Variants in PSD3 observed in about 807,000 individuals in gnomAD.
PSD3 encodes PH and SEC7 domain-containing protein 3.
Under a neutral mutation model 105.5 loss-of-function variants are expected in PSD3, and 49 were observed. The observed-to-expected ratio is 0.46, with a 90% confidence interval of 0.37 to 0.59. The LOEUF is 0.59. Among genes scored for constraint, PSD3 ranks in the 20% least tolerant of loss-of-function variants. The pLI is 0.00. For missense variants in PSD3, 1,561 were observed against 1,263.8 expected (o/e 1.24, Z -3.57); for synonymous variants, 557 against 457.8 (o/e 1.22, Z -2.77).
At chr8:18,856,272 G>C (rs1280731504) in intron 4 of PSD3, among the ~76,000 whole-genome samples, 1 of 152,244 alleles carries the variant, frequency 6.6e-6, no homozygotes, top group East Asian at 1.9e-4. Flanking sequence ...CTGCACTAGA[G>C]TTATTTCTGA....
At chr8:18,951,367 A>C (rs973905130) in intron 1 of PSD3, among the ~76,000 whole-genome samples, 2 of 152,162 alleles carry the variant, frequency 1.3e-5, no homozygotes, top group African/African-American at 4.8e-5. Context: ...ACACCACCGC[A>C]CTTCAGCCTG....
intron 8 of PSD3, among the ~76,000 whole-genome samples, chr8:18,788,980 C>T (rs1285877992): frequency 6.6e-6 from 1 of 152,156 alleles, no homozygotes; most frequent in African/African-American, 2.4e-5. Flanking sequence ...AGTGGATATT[C>T]AATGTGCTCT....
At chr8:19,009,612 G>A (rs373376810) in intron 1 of PSD3, among the ~76,000 whole-genome samples, 9 of 152,188 alleles carry the variant, frequency 5.9e-5, no homozygotes, top group Middle Eastern at 3.2e-3. Flanking sequence ...GGACTTGGCC[G>A]GGCCTGGTGG....
intron 8 of PSD3, chr8:18,775,028 C>T: frequency 4.4e-6 from 2 of 453,602 alleles, no homozygotes; most frequent in South Asian, 3.1e-5. Context: ...CCTCCTCCTA[C>T]CTTCTGGTAA....
chr8:18,983,029 G>A (rs1210042749), intron 1 of PSD3, among the ~76,000 whole-genome samples: 2 of 152,206 alleles, frequency 1.3e-5, no homozygotes, highest in Non-Finnish European at 2.9e-5. Flanking sequence ...TTGAAACTGT[G>A]ATGTTTAGCA....
chr8:19,062,021 C>T (rs73668924), intron 1 of PSD3, among the ~76,000 whole-genome samples: 3,178 of 152,228 alleles, frequency 0.021, 117 homozygotes, highest in African/African-American at 0.071. Flanking sequence ...GTCCTCCAAG[C>T]GCCTTCCCAA....
chr8:18,983,644 T>G (rs578045477), intron 1 of PSD3, among the ~76,000 whole-genome samples: 19 of 152,180 alleles, frequency 1.2e-4, no homozygotes, highest in African/African-American at 4.6e-4. Context: ...ACGACAATTT[T>G]TAAGTTCTCC....
In PSD3 at chr8:18,666,229, T is replaced by A. The variant is rs1449338821; in HGVS notation, c.2173-10544A>T. Among the ~76,000 whole-genome samples the A allele has an allele frequency of 2.0e-5, 3 of 152,344 alleles. No homozygotes were observed. The East Asian group carries it at 5.8e-4, about 29-fold the overall frequency. ...CTGTGTCCTGTTTATTTTTGTATTT[T>A]TAGTAGAGACAGGGTTTCGCCATGT... On this transcript the variant is annotated intron_variant, in intron 9 of 15. Coordinates refer to ENST00000327040, the MANE Select transcript of PSD3 (RefSeq NM_015310.4).
At chr8:18,608,761 G>A (rs1022820319) in intron 11 of PSD3, among the ~76,000 whole-genome samples, 2 of 152,074 alleles carry the variant, frequency 1.3e-5, no homozygotes, top group Admixed American at 1.3e-4. Flanking sequence ...ATGGATTTAT[G>A]CCAGAAAAGT....
chr8:18,582,892 C>A (rs1802912264), intron 12 of PSD3, among the ~76,000 whole-genome samples: 1 of 145,198 alleles, frequency 6.9e-6, no homozygotes, highest in African/African-American at 2.7e-5. Context: ...GTGGCAAGAT[C>A]TCGGCTCACT....
chr8:18,872,124 G>C lies in PSD3; in HGVS notation c.740C>G (p.Ser247Cys), dbSNP rs746212174. 72 of 1,614,000 alleles carry C rather than the reference G, an allele frequency of 4.5e-5. No homozygotes were observed. The highest frequency in any genetic ancestry group is 5.8e-5 in the Non-Finnish European group (69 of 1,179,998). The change falls in exon 3 of 16, where the codon TCT becomes TGT. Residue 247 changes from serine to cysteine, a missense_variant. Ser to Cys is a moderately radical substitution (Grantham distance 112). Coordinates refer to ENST00000327040, the MANE Select transcript of PSD3 (RefSeq NM_015310.4). Reference protein sequence around the residue: ...RKGAVCVQEPSCPLASLGSSA... With the variant: ...RKGAVCVQEPCCPLASLGSSA... ...GCTCCCGAGGGAGGCCAAAGGACAA[G>C]ATGGCTCCTGCACACAGACAGCCCC...
At chr8:18,578,501 T>A (rs1011065013) in intron 12 of PSD3, among the ~76,000 whole-genome samples, 2 of 152,140 alleles carry the variant, frequency 1.3e-5, no homozygotes, top group Non-Finnish European at 1.5e-5. Flanking sequence ...TTCTTCTTCA[T>A]GCCCTTCTAT....
chr8:18,914,546 C>T (rs1015435965), intron 2 of PSD3, among the ~76,000 whole-genome samples: 41 of 152,058 alleles, frequency 2.7e-4, no homozygotes, highest in Non-Finnish European at 2.5e-4. Context: ...ATACAAAAAC[C>T]AGTAGCAATT....
At chr8:18,642,475 T>A (rs1345457093) in intron 10 of PSD3, among the ~76,000 whole-genome samples, 1 of 152,148 alleles carries the variant, frequency 6.6e-6, no homozygotes, top group African/African-American at 2.4e-5. Flanking sequence ...TCATTCCTCA[T>A]CAAACATCAA....
At chr8:19,067,159 A>G (rs1829100831) in intron 1 of PSD3, among the ~76,000 whole-genome samples, 1 of 152,220 alleles carries the variant, frequency 6.6e-6, no homozygotes, top group African/African-American at 2.4e-5. Flanking sequence ...CTGTAAACTG[A>G]GAGAAATCAG....
At position 18,702,622 on chromosome 8, in the gene PSD3, TC is replaced by T. The variant is rs780613670; in HGVS notation, c.2173-46938del. 6.9e-4 allele frequency among the ~76,000 whole-genome samples: 104 copies of T among 150,724 alleles called. 1 individual carries two copies. The highest frequency in any genetic ancestry group is 5.7e-3 in the South Asian group (27 of 4,772). On this transcript the variant is annotated intron_variant, in intron 9 of 15. Transcript: ENST00000327040. ...TATAGGTACTCTTTCTTTCTTTCTT[TC>T]TTTTTTTGAGATGGAATCTCGCTCT...
At chr8:18,798,515 G>A (rs1810387801) in intron 8 of PSD3, among the ~76,000 whole-genome samples, 1 of 152,038 alleles carries the variant, frequency 6.6e-6, no homozygotes, top group Non-Finnish European at 1.5e-5. Flanking sequence ...TATGTGACTA[G>A]CAGAATATCT....
Position 18,914,042 on chromosome 8 carries a change from C to T in PSD3, c.130+21992G>A, listed in dbSNP as rs371166175. ...GGCTCCAGACTTGAACCTGAAAATC[C>T]AGGCTCTAAGCAAACCCCAGGGGAG... On this transcript the variant is annotated intron_variant, in intron 2 of 15. Coordinates refer to ENST00000327040, the MANE Select transcript of PSD3 (RefSeq NM_015310.4). Among the ~76,000 whole-genome samples, 6 of 152,242 alleles carry T rather than the reference C, an allele frequency of 3.9e-5. No individual in the cohort carries two copies. In the East Asian group the frequency reaches 5.8e-4, roughly 15 times the overall value.
At chr8:18,803,062 G>A (rs1179529255) in intron 6 of PSD3, 3 of 158,440 alleles carry the variant, frequency 1.9e-5, no homozygotes, top group Non-Finnish European at 4.2e-5. Flanking sequence ...GAGGCGGGTG[G>A]ACTGCCTGAG....
Sources: allele counts gnomAD v4.1 joint callset (sites outside exome capture counted in the v4.1 genomes callset), GRCh38; gene constraint gnomAD v4.1.1; transcripts MANE v1.5; gene names NCBI Gene and HGNC (gene_info 2026-07-23, HGNC 2026-07-21).